IGSF21: variants seen among roughly 807,000 people sequenced by gnomAD.
The protein encoded by IGSF21 is immunoglobin superfamily member 21.
A neutral mutation model predicts 46.8 loss-of-function variants in IGSF21; 28 were observed. That is an observed-to-expected ratio of 0.60 (90% confidence interval 0.44 to 0.82). The LOEUF is 0.82. Among genes scored for constraint, IGSF21 ranks in the 40% least tolerant of loss-of-function variants. IGSF21 has a pLI of 0.00. For missense variants in IGSF21, 624 were observed against 665.5 expected (o/e 0.94, Z 0.69); for synonymous variants, 284 against 273.6 (o/e 1.04, Z -0.38).
intron 3 of IGSF21, among the ~76,000 whole-genome samples, chr1:18,331,382 C>T (rs78978265): frequency 0.07 from 10,690 of 152,232 alleles, 452 homozygotes; most frequent in Middle Eastern, 0.11. Flanking sequence ...TCTTGAGTTA[C>T]TTCCCTTAGA....
chr1:18,356,751 A>G (rs567651399), intron 4 of IGSF21, among the ~76,000 whole-genome samples: 1 of 150,206 alleles, frequency 6.7e-6, no homozygotes, highest in African/African-American at 2.4e-5. Context: ...TGGGGATGGG[A>G]TGGAAATAGA....
chr1:18,268,362 T>C (rs2085009941), intron 2 of IGSF21, among the ~76,000 whole-genome samples: 1 of 152,216 alleles, frequency 6.6e-6, no homozygotes, highest in Non-Finnish European at 1.5e-5. Flanking sequence ...AACAGCTTCT[T>C]ACCACAAGGT....
chr1:18,320,442 A>G (rs1453774776), intron 3 of IGSF21, among the ~76,000 whole-genome samples: 1 of 152,154 alleles, frequency 6.6e-6, no homozygotes, highest in Non-Finnish European at 1.5e-5. Flanking sequence ...GGAAGCTCGG[A>G]GTTTCAATTT....
chr1:18,297,003 A>G (rs910384681), intron 3 of IGSF21, among the ~76,000 whole-genome samples: 1 of 152,194 alleles, frequency 6.6e-6, no homozygotes, highest in Non-Finnish European at 1.5e-5. Flanking sequence ...CTCTTTGCCA[A>G]CAAGGTCCTA....
At chr1:18,126,131 C>T (rs772205483) in intron 1 of IGSF21, among the ~76,000 whole-genome samples, 22 of 152,074 alleles carry the variant, frequency 1.4e-4, no homozygotes, top group Non-Finnish European at 2.2e-4. Flanking sequence ...CATAGAGGTG[C>T]CCCAGGGGAC....
intron 5 of IGSF21, among the ~76,000 whole-genome samples, chr1:18,363,871 AC>A (rs1310358747): frequency 6.6e-6 from 1 of 151,976 alleles, no homozygotes; most frequent in Non-Finnish European, 1.5e-5. Flanking sequence ...GGGAACAGAG[AC>A]AAGCCTCAGT....
At chr1:18,248,477 G>C (rs1055557882) in intron 2 of IGSF21, among the ~76,000 whole-genome samples, 10 of 152,260 alleles carry the variant, frequency 6.6e-5, no homozygotes, top group African/African-American at 2.4e-4. Context: ...GAGGCTCGCT[G>C]TTGTGGCTTT....
Position 18,246,723 on chromosome 1 carries a change from C to G in IGSF21, c.183+18713C>G, listed in dbSNP as rs1014797658. 1.4e-4 allele frequency among the ~76,000 whole-genome samples: 21 copies of G among 152,142 alleles called. 1 individual carries two copies. Among genetic ancestry groups the G allele is most frequent in the African/African-American group, 5.1e-4 (21 of 41,448 alleles). ...GTTTGTGGCAACCTGTCTAGCGCAC[C>G]CTGGCGGCACCAAAGAGCTGCCCTG... On this transcript the variant is annotated intron_variant, in intron 2 of 9. Transcript: ENST00000251296.
intron 2 of IGSF21, among the ~76,000 whole-genome samples, chr1:18,264,500 A>T (rs181929343): frequency 6.6e-6 from 1 of 152,254 alleles, no homozygotes; most frequent in Non-Finnish European, 1.5e-5. Flanking sequence ...CAGCAGTGAA[A>T]TGGGGGAGAG....
intron 1 of IGSF21, among the ~76,000 whole-genome samples, chr1:18,174,359 C>G (rs1358918667): frequency 6.6e-6 from 1 of 152,200 alleles, no homozygotes; most frequent in East Asian, 1.9e-4. Context: ...CTTCTTTTAT[C>G]TAGTCTCAAG....
In IGSF21 at chr1:18,259,807, G is replaced by A. The variant is rs552564920; in HGVS notation, c.183+31797G>A. Among the ~76,000 whole-genome samples the A allele has an allele frequency of 1.6e-4, 24 of 152,314 alleles. No homozygotes were observed. In the South Asian group the frequency reaches 5.0e-3, roughly 32 times the overall value. ...AAGTCAATGAAGAGATGAGGCCACA[G>A]CATGTGTAGGCAATGGCGGGCTTGG... On this transcript the variant is annotated intron_variant, in intron 2 of 9. Transcript: ENST00000251296.
intron 1 of IGSF21, among the ~76,000 whole-genome samples, chr1:18,194,860 A>G (rs981238990): frequency 1.3e-5 from 2 of 152,238 alleles, no homozygotes; most frequent in Non-Finnish European, 2.9e-5. Flanking sequence ...TTATAAAGAA[A>G]GGAGGTTTAA....
intron 1 of IGSF21, among the ~76,000 whole-genome samples, chr1:18,134,735 C>T (rs2086353724): frequency 6.6e-6 from 1 of 152,156 alleles, no homozygotes; most frequent in Non-Finnish European, 1.5e-5. Flanking sequence ...TGAAAAACCC[C>T]AGCACCCAAG....
At chr1:18,316,917 G>C (rs17277497) in intron 3 of IGSF21, among the ~76,000 whole-genome samples, 35,164 of 152,166 alleles carry the variant, frequency 0.23, 4,346 homozygotes, top group African/African-American at 0.28. Flanking sequence ...TCCATGCCTA[G>C]CAATGTTCTC....
intron 2 of IGSF21, among the ~76,000 whole-genome samples, chr1:18,288,624 C>T (rs2085237889): frequency 6.6e-6 from 1 of 152,246 alleles, no homozygotes. Flanking sequence ...CAACTCCCAC[C>T]TGGCCTCTTT....
intron 1 of IGSF21, among the ~76,000 whole-genome samples, chr1:18,160,078 C>T (rs2086603823): frequency 6.6e-6 from 1 of 152,160 alleles, no homozygotes; most frequent in African/African-American, 2.4e-5. Flanking sequence ...AGGACAAATT[C>T]AGAAGCATTT....
chr1:18,129,238 G>C (rs552070988), intron 1 of IGSF21, among the ~76,000 whole-genome samples: 1 of 152,080 alleles, frequency 6.6e-6, no homozygotes, highest in Non-Finnish European at 1.5e-5. Flanking sequence ...GAGAGTAACC[G>C]GGGCTTGGAC....
At chr1:18,347,038 T>C (rs2085901060) in intron 4 of IGSF21, among the ~76,000 whole-genome samples, 1 of 152,136 alleles carries the variant, frequency 6.6e-6, no homozygotes, top group African/African-American at 2.4e-5. Context: ...GCCAGACAGA[T>C]GGGTTTGGGG....
chr1:18,194,096 T>C (rs892698894), intron 1 of IGSF21, among the ~76,000 whole-genome samples: 2 of 152,086 alleles, frequency 1.3e-5, no homozygotes, highest in Non-Finnish European at 2.9e-5. Flanking sequence ...TTTAGGATAA[T>C]AGGAATTTAG....
Sources: allele counts gnomAD v4.1 joint callset (sites outside exome capture counted in the v4.1 genomes callset), GRCh38; gene constraint gnomAD v4.1.1; transcripts MANE v1.5; gene names NCBI Gene and HGNC (gene_info 2026-07-23, HGNC 2026-07-21).